TMCO4: variants seen among roughly 807,000 people sequenced by gnomAD.
TMCO4 encodes transmembrane and coiled-coil domain-containing protein 4.
Under a neutral mutation model 64.7 loss-of-function variants are expected in TMCO4, and 58 were observed. The observed-to-expected ratio is 0.90, with a 90% CI of 0.73 to 1.12. TMCO4 has a LOEUF of 1.12. Ranked by LOEUF, TMCO4 falls within the 50% of genes most tolerant of loss-of-function variation. TMCO4 has a pLI of 0.00. For synonymous variants in TMCO4, 325 were observed against 346.1 expected, an observed-to-expected ratio of 0.94 and a Z score of 0.68; for missense variants, 780 against 825.9, an observed-to-expected ratio of 0.94 and a Z score of 0.68.
chr1:19,724,921 C>T (rs1250479441), intron 13 of TMCO4, among the ~76,000 whole-genome samples: 1 of 152,076 alleles, frequency 6.6e-6, no homozygotes, highest in Non-Finnish European at 1.5e-5. Context: ...ACCACAATAC[C>T]CAGCTAATTT....
intron 13 of TMCO4, among the ~76,000 whole-genome samples, chr1:19,706,358 C>T (rs965552610): frequency 2.0e-5 from 3 of 152,184 alleles, no homozygotes; most frequent in African/African-American, 7.2e-5. Context: ...TATGAGAAGA[C>T]CTCACTGCCC....
chr1:19,694,748 G>A (rs1216236940), intron 14 of TMCO4, among the ~76,000 whole-genome samples, 197 bp from the exon 15 acceptor site: 1 of 152,228 alleles, frequency 6.6e-6, no homozygotes, highest in Admixed American at 6.5e-5. Flanking sequence ...TGGGTGCCAG[G>A]CATGGTGTGC....
chr1:19,682,541 C>G lies in TMCO4; in HGVS notation c.*499G>C. ...GAGTGAGCTGCCTTCTTTGTACCTG[C>G]GCCTGCTCTGTTGCTGCCAGTTGAT... On this transcript the variant is annotated 3_prime_UTR_variant, in exon 16 of 16. Coordinates refer to ENST00000294543, the MANE Select transcript of TMCO4 (RefSeq NM_181719.7). 1.4e-6 allele frequency: 1 copy of G among 709,440 alleles called. No homozygotes were observed. The highest frequency in any genetic ancestry group is 1.7e-5 in the African/African-American group (1 of 57,232). 43.9% of individuals were successfully genotyped at this position (709,440 alleles called of 1,614,324 possible). A position where few individuals can be genotyped will look rare whatever the true frequency, so the allele number is the denominator to read the frequency against.
At chr1:19,770,703 G>A in intron 5 of TMCO4, 134 bp from the exon 6 acceptor site, 2 of 839,348 alleles carry the variant, frequency 2.4e-6, no homozygotes, top group Non-Finnish European at 1.9e-6. Flanking sequence ...CTAGACGTGA[G>A]CCAGATGATA....
intron 4 of TMCO4, 52 bp downstream of exon 4, chr1:19,780,528 G>T: frequency 3.3e-6 from 5 of 1,536,378 alleles, no homozygotes; most frequent in Non-Finnish European, 4.4e-6. Context: ...GCTGTCCGTA[G>T]TTGTTCCCCT....
chr1:19,688,036 C>T (rs1038803906), intron 15 of TMCO4, among the ~76,000 whole-genome samples: 18 of 152,088 alleles, frequency 1.2e-4, no homozygotes, highest in Admixed American at 5.2e-4. Context: ...CTGGTGTAGC[C>T]GATACTGCGT....
chr1:19,799,685 C>G (rs1019450631), intron 1 of TMCO4, among the ~76,000 whole-genome samples, 170 bp downstream of exon 1: 10 of 152,202 alleles, frequency 6.6e-5, no homozygotes, highest in Non-Finnish European at 1.5e-4. Flanking sequence ...CGCCAGGGAG[C>G]GCGCGGCCGC....
At chr1:19,715,057 T>C (rs7531409) in intron 13 of TMCO4, among the ~76,000 whole-genome samples, 111,892 of 151,864 alleles carry the variant, frequency 0.74, 41,661 homozygotes, top group African/African-American at 0.78. Context: ...GCCTGGGCAA[T>C]GTAGGAAGTC....
Position 19,745,730 on chromosome 1 carries a change from C to T in TMCO4, c.758-79G>A, listed in dbSNP as rs1393108956. 1.1e-5 allele frequency: 17 copies of T among 1,517,330 alleles called. No individual in the cohort carries two copies. The East Asian group carries it at 3.0e-4, about 26-fold the overall frequency. The allele number at this position is 1,517,330 out of a possible 1,614,324, so 94.0% of individuals were successfully genotyped here. On this transcript the variant is annotated intron_variant, in intron 9 of 15. Coordinates refer to ENST00000294543, the MANE Select transcript of TMCO4 (RefSeq NM_181719.7). Reference sequence around the variant, plus strand: ...ATCAGGGTGGCTGTATGTTCTCACACATGCACACAGTGAGCACCATCTGTG... The same window carrying T: ...ATCAGGGTGGCTGTATGTTCTCACATATGCACACAGTGAGCACCATCTGTG...
intron 7 of TMCO4, chr1:19,750,471 A>C (rs962470377): frequency 6.6e-6 from 1 of 152,186 alleles, no homozygotes; most frequent in African/African-American, 2.4e-5. Context: ...TAGGAAATGT[A>C]ACTATCAAAT....
chr1:19,698,441 T>C (rs2095250885), intron 14 of TMCO4, among the ~76,000 whole-genome samples: 1 of 152,218 alleles, frequency 6.6e-6, no homozygotes, highest in Admixed American at 6.5e-5. Context: ...GCAGCAGTGC[T>C]ATCACCTCAG....
At chr1:19,745,742 G>A in intron 9 of TMCO4, 91 bp from the exon 10 acceptor site, 2 of 1,466,744 alleles carry the variant, frequency 1.4e-6, no homozygotes, top group East Asian at 4.7e-5. Flanking sequence ...TGCACACAGT[G>A]AGCACCATCT....
At chr1:19,704,755 ACAGT>A (rs759321373) in intron 13 of TMCO4, among the ~76,000 whole-genome samples, 5 of 152,180 alleles carry the variant, frequency 3.3e-5, no homozygotes, top group African/African-American at 1.2e-4. Flanking sequence ...TTCCTGAGCC[ACAGT>A]CAGGATCCAC....
At chr1:19,688,582 C>T (rs2095168095) in intron 15 of TMCO4, among the ~76,000 whole-genome samples, 1 of 152,166 alleles carries the variant, frequency 6.6e-6, no homozygotes, top group South Asian at 2.1e-4. Context: ...GGCTTATTGG[C>T]ACAGGGTTAG....
chr1:19,740,041 A>C, intron 11 of TMCO4, 81 bp from the exon 12 acceptor site: 3 of 1,480,370 alleles, frequency 2.0e-6, no homozygotes, highest in South Asian at 1.4e-5. Flanking sequence ...ACAGATGCTC[A>C]AATAAATGCA....
At chr1:19,696,046 C>T (rs767247136) in intron 14 of TMCO4, among the ~76,000 whole-genome samples, 15 of 152,130 alleles carry the variant, frequency 9.9e-5, no homozygotes, top group African/African-American at 1.4e-4. Context: ...GCCTCTGCAC[C>T]GCACTCCCTG....
rs1445814030 is a variant in TMCO4 at position 19,683,459 on chromosome 1, G to T, written c.1501-15C>A. 2 of 1,611,392 alleles carry T rather than the reference G, an allele frequency of 1.2e-6. No individual in the cohort carries two copies. The highest frequency in any genetic ancestry group is 3.3e-5 in the Admixed American group (2 of 59,982). On this transcript the variant is annotated splice_polypyrimidine_tract_variant and intron_variant, in intron 15 of 15. Transcript: ENST00000294543. ...TGGCCGCTGACCTGCAGGAGACAGT[G>T]AGTGAGCACCACCGTGGGTGTGCAG...
chr1:19,767,033 G>T (rs1276507059), intron 6 of TMCO4, among the ~76,000 whole-genome samples: 1 of 152,102 alleles, frequency 6.6e-6, no homozygotes, highest in South Asian at 2.1e-4. Flanking sequence ...TAAACCAAAG[G>T]CACCTCCCAG....
intron 2 of TMCO4, among the ~76,000 whole-genome samples, chr1:19,790,057 G>GAA (rs545785612): frequency 2.1e-4 from 18 of 85,406 alleles, no homozygotes; most frequent in East Asian, 3.6e-4. Context: ...CTCTGCCTCA[G>GAA]AAAAAAAAAA....
Sources: gnomAD v4.1 joint callset for allele counts (sites outside exome capture counted in the v4.1 genomes callset) on GRCh38, gnomAD v4.1.1 for gene constraint, MANE v1.5 for transcripts, NCBI Gene and HGNC (gene_info 2026-07-23, HGNC 2026-07-21) for gene names.